TPTE: variants seen among roughly 807,000 people sequenced by gnomAD.
TPTE encodes the protein putative tyrosine-protein phosphatase TPTE.
A neutral mutation model predicts 84.1 loss-of-function variants in TPTE; 59 were observed. That is an observed-to-expected ratio of 0.70 (90% confidence interval 0.57 to 0.87). The LOEUF (loss-of-function observed/expected upper bound fraction) is 0.87, where lower values mean the gene tolerates loss of function less well. Ranked by LOEUF, TPTE falls within the 40% of genes least tolerant of loss-of-function variation. The pLI is 0.00. For synonymous variants in TPTE, 130 were observed against 223.5 expected (o/e 0.58, Z 3.73); for missense variants, 382 against 659.6 (o/e 0.58, Z 4.61).
intron 7 of TPTE, among the ~76,000 whole-genome samples, chr21:10,550,481 GACAA>G (rs774053246): frequency 1.9e-4 from 29 of 152,398 alleles, no homozygotes; most frequent in African/African-American, 5.0e-4. Context: ...CATAAAAATT[GACAA>G]ACAAGATTAT....
chr21:10,596,712 A>G (rs1600981234), intron 20 of TPTE, among the ~76,000 whole-genome samples: 1 of 152,304 alleles, frequency 6.6e-6, no homozygotes. Context: ...CCTAAAGCAA[A>G]CCTCTTCTAG....
chr21:10,535,326 A>G (rs1225235472), intron 3 of TPTE, among the ~76,000 whole-genome samples: 1 of 152,308 alleles, frequency 6.6e-6, no homozygotes, highest in African/African-American at 2.4e-5. Context: ...ATATATACAC[A>G]TAACATACAC....
chr21:10,586,988 T>C (rs1416942913), intron 17 of TPTE, among the ~76,000 whole-genome samples: 18 of 152,358 alleles, frequency 1.2e-4, no homozygotes, highest in Admixed American at 3.3e-4. Context: ...TTCTCTTTGT[T>C]GAGTTAAGGA....
intron 9 of TPTE, among the ~76,000 whole-genome samples, chr21:10,560,760 C>G (rs1189551152): frequency 2.0e-5 from 3 of 152,306 alleles, no homozygotes; most frequent in African/African-American, 7.2e-5. Context: ...TTACTTTTCT[C>G]TCTTGAGGTG....
intron 8 of TPTE, among the ~76,000 whole-genome samples, chr21:10,555,424 T>C (rs1255011938): frequency 5.3e-5 from 8 of 152,310 alleles, no homozygotes; most frequent in Admixed American, 5.2e-4. Flanking sequence ...GCCAGGATGG[T>C]CTCGATCTCT....
intron 9 of TPTE, among the ~76,000 whole-genome samples, chr21:10,559,868 C>T (rs1302177099): frequency 2.2e-5 from 3 of 134,046 alleles, no homozygotes; most frequent in African/African-American, 8.9e-5. Flanking sequence ...AGCAAGACTC[C>T]ATGTAAAAAA....
At chr21:10,562,083 A>C (rs1308627693) in intron 10 of TPTE, among the ~76,000 whole-genome samples, 1 of 152,308 alleles carries the variant, frequency 6.6e-6, no homozygotes, top group Non-Finnish European at 1.5e-5. Flanking sequence ...GAAGAAAACA[A>C]GAGTCTCTTT....
intron 10 of TPTE, among the ~76,000 whole-genome samples, chr21:10,563,259 G>A (rs1383526533): frequency 2.6e-5 from 4 of 152,310 alleles, no homozygotes; most frequent in Non-Finnish European, 5.9e-5. Context: ...GCTAAAGGGA[G>A]TATTTCAATC....
At chr21:10,522,174 T>C (rs1460290513) in intron 1 of TPTE, among the ~76,000 whole-genome samples, 2 of 152,284 alleles carry the variant, frequency 1.3e-5, no homozygotes, top group Admixed American at 6.5e-5. Context: ...GAGTTCCCCG[T>C]GTCTGCTTTC....
At chr21:10,521,934 C>T (rs1164812278) in intron 1 of TPTE, among the ~76,000 whole-genome samples, 1 of 152,262 alleles carries the variant, frequency 6.6e-6, no homozygotes, top group Admixed American at 6.5e-5. Flanking sequence ...CCTCCCCGTC[C>T]CCTCCTCTCC....
intron 11 of TPTE, among the ~76,000 whole-genome samples, chr21:10,568,895 A>AT (rs2074981402): frequency 6.6e-6 from 1 of 152,312 alleles, no homozygotes. Context: ...GGTAGGGGAG[A>AT]TTCCAGCTAG....
intron 18 of TPTE, among the ~76,000 whole-genome samples, chr21:10,591,134 G>A (rs1215953284): frequency 6.6e-6 from 1 of 152,304 alleles, no homozygotes; most frequent in Non-Finnish European, 1.5e-5. Flanking sequence ...TCTCCTGAAT[G>A]TAAATATCTT....
intron 6 of TPTE, among the ~76,000 whole-genome samples, chr21:10,542,799 C>T (rs530731130): frequency 1.3e-5 from 2 of 152,398 alleles, no homozygotes; most frequent in East Asian, 3.9e-4. Context: ...TTGTTAGTAA[C>T]TTTGCATCCT....
At chr21:10,594,887 AT>A (rs1479642194) in intron 19 of TPTE, among the ~76,000 whole-genome samples, 1 of 152,304 alleles carries the variant, frequency 6.6e-6, no homozygotes, top group African/African-American at 2.4e-5. Context: ...ATTGTGGGCC[AT>A]TCTACTGAGT....
intron 13 of TPTE, 123 bp downstream of exon 13, chr21:10,569,869 A>C: frequency 1.3e-6 from 2 of 1,597,780 alleles, no homozygotes; most frequent in Admixed American, 3.4e-5. Context: ...GATATATGCT[A>C]CTGTGATAGT....
At chr21:10,557,579 G>T (rs1190208733) in intron 8 of TPTE, among the ~76,000 whole-genome samples, 3 of 152,424 alleles carry the variant, frequency 2.0e-5, no homozygotes, top group Non-Finnish European at 2.9e-5. Flanking sequence ...CTTGAGGAGA[G>T]AATTCACCTC....
Position 10,570,453 on chromosome 21 carries a change from A to G in TPTE, c.731-32A>G, listed in dbSNP as rs757369297. 3 of 1,613,920 alleles carry G rather than the reference A, an allele frequency of 1.9e-6. No individual in the cohort carries two copies. In the African/African-American group the frequency reaches 4.0e-5, roughly 22 times the overall value. On this transcript the variant is annotated intron_variant, in intron 13 of 23. Coordinates refer to ENST00000618007, the MANE Select transcript of TPTE (RefSeq NM_199261.4). ...TGTATGTTGTATGAAATCTATAATA[A>G]TGTTTGTAATAGTGATGATTTTGAC...
chr21:10,541,152 G>A lies in TPTE; in HGVS notation c.52G>A (p.Gly18Ser), dbSNP rs746642375. ...CCTGGCGGGAGTCATCATTGAGCTCGGCCCCAATGACAGGTGAGTTATAAA... is the reference window on the plus strand; with the variant it reads ...CCTGGCGGGAGTCATCATTGAGCTCAGCCCCAATGACAGGTGAGTTATAAA... ...TDLAGVIIEL[G>S]PNDSPQTSEF... The change falls in exon 5 of 24, where the codon GGC becomes AGC. Residue 18 changes from glycine to serine, a missense_variant. Around this residue, in one of 10 missense-constraint regions of TPTE, gnomAD observed 63 missense variants for 49.5 expected, o/e 1.27. Coordinates refer to ENST00000618007, the MANE Select transcript of TPTE (RefSeq NM_199261.4). The A allele has an allele frequency of 1.9e-5, 31 of 1,613,050 alleles. No homozygotes were observed. Among genetic ancestry groups the A allele is most frequent in the Non-Finnish European group, 2.4e-5 (28 of 1,179,214 alleles).
intron 21 of TPTE, 105 bp from the exon 22 acceptor site, chr21:10,601,953 A>C (rs1978580546): frequency 1.5e-6 from 2 of 1,297,074 alleles, no homozygotes; most frequent in Non-Finnish European, 2.2e-6. Flanking sequence ...GGGCTGTGAG[A>C]CCAAAAGTAC....
Sources: allele counts gnomAD v4.1 joint callset (sites outside exome capture counted in the v4.1 genomes callset), GRCh38; gene constraint gnomAD v4.1.1; regional missense constraint gnomAD v4.1.1; transcripts MANE v1.5; gene names NCBI Gene and HGNC (gene_info 2026-07-23, HGNC 2026-07-21).